DUSP10: variants seen among roughly 807,000 people sequenced by gnomAD.
DUSP10 encodes dual specificity phosphatase 10.
A neutral mutation model predicts 30.8 loss-of-function variants in DUSP10; 14 were observed. The observed-to-expected ratio is 0.46, with a 90% CI of 0.30 to 0.71. The LOEUF is 0.71. Among genes scored for constraint, DUSP10 ranks in the 30% least tolerant of loss-of-function variants. DUSP10 has a pLI of 0.08. For missense variants in DUSP10, 550 were observed against 619.4 expected (o/e 0.89, Z 1.19); for synonymous variants, 254 against 250.4 (o/e 1.01, Z -0.14).
At chr1:221,741,254 ATAAC>A (rs1403489569) in intron 1 of DUSP10, among the ~76,000 whole-genome samples, 1 of 152,210 alleles carries the variant, frequency 6.6e-6, no homozygotes, top group African/African-American at 2.4e-5. Context: ...TCCAGAAGCT[ATAAC>A]TGTTTCCCGG....
intron 2 of DUSP10, among the ~76,000 whole-genome samples, chr1:221,736,467 G>A (rs1003859905): frequency 2.6e-5 from 4 of 152,142 alleles, no homozygotes; most frequent in Admixed American, 2.6e-4. Flanking sequence ...TATCACCAAG[G>A]GAGGGGATTA....
At chr1:221,709,457 G>C (rs1660871548) in intron 2 of DUSP10, among the ~76,000 whole-genome samples, 1 of 151,484 alleles carries the variant, frequency 6.6e-6, no homozygotes, top group South Asian at 2.1e-4. Flanking sequence ...TATAATATTT[G>C]GAGGTGGGAG....
chr1:221,737,419 A>C, intron 2 of DUSP10: 3 of 985,384 alleles, frequency 3.0e-6, no homozygotes, highest in Non-Finnish European at 3.6e-6. Context: ...AGACAATAGC[A>C]GGGTAAATAT....
At chr1:221,737,329 A>T in intron 2 of DUSP10, 4 of 985,432 alleles carry the variant, frequency 4.1e-6, no homozygotes, top group Non-Finnish European at 3.6e-6. Context: ...TTTGCTCCCC[A>T]AGACAAACTA....
chr1:221,715,622 A>T (rs1239374918), intron 2 of DUSP10, among the ~76,000 whole-genome samples: 1 of 152,254 alleles, frequency 6.6e-6, no homozygotes, highest in Admixed American at 6.5e-5. Flanking sequence ...AGAAGTATGT[A>T]AATACAGCCT....
intron 2 of DUSP10, chr1:221,737,382 G>A: frequency 1.0e-6 from 1 of 985,378 alleles, no homozygotes; most frequent in Non-Finnish European, 1.2e-6. Flanking sequence ...TCATTTGTAA[G>A]AGGCTAGACA....
chr1:221,730,369 C>T (rs1027253949), intron 2 of DUSP10, among the ~76,000 whole-genome samples: 18 of 152,128 alleles, frequency 1.2e-4, no homozygotes, highest in African/African-American at 3.1e-4. Flanking sequence ...CCCCCTGGCT[C>T]GGGCAGTTTA....
At chr1:221,722,059 C>A (rs1481602004) in intron 2 of DUSP10, among the ~76,000 whole-genome samples, 3 of 152,184 alleles carry the variant, frequency 2.0e-5, no homozygotes, top group Admixed American at 2.0e-4. Context: ...ATTTGGAGTT[C>A]CTCTTATCCC....
In DUSP10 at chr1:221,702,242, G is replaced by T; in HGVS notation, c.*170C>A. On this transcript the variant is annotated 3_prime_UTR_variant, in exon 4 of 4. Transcript: ENST00000366899. The surrounding 1 kb of genome is among the most constrained non-coding windows in gnomAD (Gnocchi z 4.5). ...GAGGTGAATCTCAATGGCATCAAAA[G>T]TTATAGTCTTCTTACACTTGTTAAA... 1 of 731,844 alleles carries T rather than the reference G, an allele frequency of 1.4e-6. No homozygotes were observed. 45.3% of individuals were successfully genotyped at this position (731,844 alleles called of 1,614,324 possible). A position where few individuals can be genotyped will look rare whatever the true frequency, so the allele number is the denominator to read the frequency against.
At chr1:221,731,885 G>A (rs1339187939) in intron 2 of DUSP10, among the ~76,000 whole-genome samples, 3 of 151,648 alleles carry the variant, frequency 2.0e-5, no homozygotes, top group African/African-American at 7.3e-5. Context: ...GGGATTACAG[G>A]CATGAGCCAC....
In DUSP10 at chr1:221,701,814, G is replaced by GA. The variant is rs796958414; in HGVS notation, c.*597dup. 2,070 of 137,730 alleles carry GA rather than the reference G, an allele frequency of 0.015. 54 individuals are homozygous for GA. The highest frequency in any genetic ancestry group is 0.048 in the African/African-American group (1,831 of 37,758). 8.5% of individuals were successfully genotyped at this position (137,730 alleles called of 1,614,324 possible). A position where few individuals can be genotyped will look rare whatever the true frequency, so the allele number is the denominator to read the frequency against. On this transcript the variant is annotated 3_prime_UTR_variant, in exon 4 of 4. Coordinates refer to ENST00000366899, the MANE Select transcript of DUSP10 (RefSeq NM_007207.6). ...AAAAAATCTCTTAAACCCAGAGAAG[G>GA]AAAAAAAAAAAAAATCCAGAGCATG...
Position 221,732,285 on chromosome 1 carries a change from G to A in DUSP10, c.811+6649C>T, listed in dbSNP as rs371477422. Among the ~76,000 whole-genome samples the A allele has an allele frequency of 2.5e-4, 38 of 152,324 alleles. No homozygotes were observed. In the South Asian group the frequency reaches 7.7e-3, roughly 31 times the overall value. On this transcript the variant is annotated intron_variant, in intron 2 of 3. Coordinates refer to ENST00000366899, the MANE Select transcript of DUSP10 (RefSeq NM_007207.6). ...AAGCCTAAGATGGTTGGGCTTCTTT[G>A]ATACCTGTTTTGATAGCTGTTAACA...
intron 2 of DUSP10, among the ~76,000 whole-genome samples, chr1:221,737,968 G>A (rs1024926431): frequency 5.9e-5 from 9 of 152,196 alleles, no homozygotes; most frequent in African/African-American, 1.9e-4. Flanking sequence ...GAGGAGAGAA[G>A]AGAGAAGACG....
intron 1 of DUSP10, among the ~76,000 whole-genome samples, chr1:221,740,804 GC>G (rs1429522395): frequency 1.3e-5 from 2 of 152,176 alleles, no homozygotes; most frequent in Admixed American, 1.3e-4. Context: ...GTGAATTGTT[GC>G]CCACCGGATC....
Position 221,702,677 on chromosome 1 carries a change from T to G in DUSP10, c.1184A>C (p.Glu395Ala), listed in dbSNP as rs779702168. The change falls in exon 4 of 4, where the codon GAG (glutamate) becomes GCG (alanine). Residue 395 changes from glutamate (E) to alanine (A), a missense_variant and splice_region_variant. Physicochemically the swap from Glu to Ala is moderately radical, Grantham distance 107 (BLOSUM62 -1). Coordinates refer to ENST00000366899, the MANE Select transcript of DUSP10 (RefSeq NM_007207.6). The surrounding 1 kb of genome is among the most constrained non-coding windows in gnomAD (Gnocchi z 4.5). ...QYFEEAFEFI[E>A]EAHQCGKGLL... The stretch of plus-strand genomic sequence containing the variant: ...CCCCTTCCCACACTGGTGAGCTTCC[T>G]CTGAAAAAAGGGAGAAAGACAAGAG... 6.8e-6 allele frequency: 11 copies of G among 1,610,858 alleles called. No individual in the cohort carries two copies. The highest frequency in any genetic ancestry group is 9.3e-6 in the Non-Finnish European group (11 of 1,178,694).
At chr1:221,719,410 G>A (rs1474147327) in intron 2 of DUSP10, among the ~76,000 whole-genome samples, 1 of 152,118 alleles carries the variant, frequency 6.6e-6, no homozygotes, top group Non-Finnish European at 1.5e-5. Flanking sequence ...AGCTTTGACA[G>A]GTCCACCTGA....
intron 2 of DUSP10, chr1:221,711,752 G>C (rs983326245): frequency 1.3e-5 from 2 of 152,200 alleles, no homozygotes; most frequent in African/African-American, 4.8e-5. Context: ...TGCTACATGA[G>C]AGTTAGGTGT....
chr1:221,702,797 GT>G lies in DUSP10; in HGVS notation c.1184-121del. 9.3e-7 allele frequency: 1 copy of G among 1,070,642 alleles called. No individual in the cohort carries two copies. The highest frequency in any genetic ancestry group is 1.3e-6 in the Non-Finnish European group (1 of 758,320). The allele number at this position is 1,070,642 out of a possible 1,614,324, so 66.3% of individuals were successfully genotyped here. A position where few individuals can be genotyped will look rare whatever the true frequency, so the allele number is the denominator to read the frequency against. ...TGTATAGAAATAATGAATTAAAACAGTTTTAAAGCCAAGTATAATCCACTAG... is the reference window on the plus strand; with the variant it reads ...TGTATAGAAATAATGAATTAAAACAGTTTAAAGCCAAGTATAATCCACTAG... On this transcript the variant is annotated intron_variant, in intron 3 of 3. Coordinates refer to ENST00000366899, the MANE Select transcript of DUSP10 (RefSeq NM_007207.6). The surrounding 1 kb of genome is among the most constrained non-coding windows in gnomAD (Gnocchi z 4.5).
chr1:221,739,686 G>A lies in DUSP10; in HGVS notation c.59C>T (p.Pro20Leu), dbSNP rs780562110. 4.5e-5 allele frequency: 73 copies of A among 1,613,944 alleles called. 1 individual carries two copies. In the Admixed American group the frequency reaches 1.2e-3, roughly 25 times the overall value. ...GTCTAAACAAAGGTTGAGATCCTGA[G>A]GTCGGACGGGCCTAGATAGTGCCAC... ...VVVALSRPVR[P>L]QDLNLCLDSS... Residue 20 changes from proline to leucine, a missense_variant, in exon 2 of 4, where the codon CCT (proline) becomes CTT (leucine). By Grantham distance (98) the Pro-to-Leu change is moderately conservative (BLOSUM62 -3). Transcript: ENST00000366899.
Sources: gnomAD v4.1 joint callset for allele counts (sites outside exome capture counted in the v4.1 genomes callset) on GRCh38, gnomAD v4.1.1 for gene constraint, Gnocchi (gnomAD v3.1) non-coding constraint, MANE v1.5 for transcripts, NCBI Gene and HGNC (gene_info 2026-07-23, HGNC 2026-07-21) for gene names.